MEF2C: variants seen among roughly 807,000 people sequenced by gnomAD.
MEF2C encodes myocyte-specific enhancer factor 2C.
A neutral mutation model predicts 50.5 loss-of-function variants in MEF2C; 6 were observed. That is an observed-to-expected ratio of 0.12 (90% CI 0.07 to 0.23). The LOEUF (loss-of-function observed/expected upper bound fraction) is 0.23. Ranked by LOEUF, MEF2C falls within the 10% of genes least tolerant of loss-of-function variation. MEF2C has a pLI of 1.00. For synonymous variants in MEF2C, 183 were observed against 228.0 expected, an observed-to-expected ratio of 0.80 and a Z score of 1.78; for missense variants, 276 against 605.0, an observed-to-expected ratio of 0.46 and a Z score of 5.70.
At chr5:88,875,678 G>T (rs1830832389) in intron 1 of MEF2C, among the ~76,000 whole-genome samples, 1 of 151,964 alleles carries the variant, frequency 6.6e-6, no homozygotes, top group African/African-American at 2.4e-5. Flanking sequence ...TTAAGAGGCA[G>T]AATTTTCAAG....
chr5:88,757,279 G>A (rs1775790957), intron 4 of MEF2C, among the ~76,000 whole-genome samples: 1 of 152,114 alleles, frequency 6.6e-6, no homozygotes, highest in South Asian at 2.1e-4. Context: ...AATAGTTAAA[G>A]TAAAATATTT....
At position 88,733,766 on chromosome 5, in the gene MEF2C, C is replaced by A. The variant is rs909718610; in HGVS notation, c.638-1865G>T. The stretch of plus-strand genomic sequence containing the variant: ...TCAATTGGATTATGAATAAAATTAT[C>A]CCAGTTCCTGGGGCAAAAAAACAAA... On this transcript the variant is annotated intron_variant, in intron 6 of 10. Transcript: ENST00000504921. 7.1e-6 allele frequency: 7 copies of A among 985,154 alleles called. No individual in the cohort carries two copies. The African/African-American group carries it at 1.2e-4, about 17-fold the overall frequency. 61.0% of individuals were successfully genotyped at this position (985,154 alleles called of 1,614,324 possible).
chr5:88,880,182 A>G (rs1459327023), intron 1 of MEF2C, among the ~76,000 whole-genome samples: 1 of 152,146 alleles, frequency 6.6e-6, no homozygotes, highest in Non-Finnish European at 1.5e-5. Context: ...CCACATTAGT[A>G]TAGAATGAAT....
chr5:88,799,666 T>C (rs1395693985), intron 3 of MEF2C, among the ~76,000 whole-genome samples: 1 of 152,188 alleles, frequency 6.6e-6, no homozygotes, highest in East Asian at 1.9e-4. Flanking sequence ...CCCATCCCAA[T>C]TTAGGCCTTA....
chr5:88,836,004 C>CT (rs1814958099), intron 1 of MEF2C, among the ~76,000 whole-genome samples: 1 of 151,964 alleles, frequency 6.6e-6, no homozygotes, highest in South Asian at 2.1e-4. Flanking sequence ...TCTCCCTCCT[C>CT]TTTTTTGGAG....
chr5:88,861,525 C>T (rs1400029339), intron 1 of MEF2C, among the ~76,000 whole-genome samples: 1 of 152,188 alleles, frequency 6.6e-6, no homozygotes, highest in Non-Finnish European at 1.5e-5. Context: ...GAGAGTTTCT[C>T]AGCTACTGCA....
chr5:88,869,757 A>G (rs960400093), intron 1 of MEF2C, among the ~76,000 whole-genome samples: 10 of 150,490 alleles, frequency 6.6e-5, no homozygotes, highest in African/African-American at 2.2e-4. Context: ...GAAATAGAGA[A>G]ATCTTAACGA....
intron 6 of MEF2C, chr5:88,741,325 C>T (rs1315258108): frequency 1.2e-5 from 12 of 982,534 alleles, no homozygotes; most frequent in Non-Finnish European, 1.3e-5. Flanking sequence ...CTGTGCTAGA[C>T]CCCTTGCATC....
intron 1 of MEF2C, chr5:88,889,208 TTGA>T (rs1487711374): frequency 1.3e-5 from 2 of 152,216 alleles, no homozygotes; most frequent in Non-Finnish European, 2.9e-5. Flanking sequence ...CGCTGAGTTA[TTGA>T]TTGCAGGCAG....
chr5:88,731,532 T>A lies in MEF2C; in HGVS notation c.810+197A>T, dbSNP rs531515635. 504 of 515,580 alleles carry A rather than the reference T, an allele frequency of 9.8e-4. 6 individuals carry two copies. Among genetic ancestry groups the A allele is most frequent in the South Asian group, 9.1e-3 (412 of 45,164 alleles). 31.9% of individuals were successfully genotyped at this position (515,580 alleles called of 1,614,324 possible). On this transcript the variant is annotated intron_variant, in intron 7 of 10. Coordinates refer to ENST00000504921, the MANE Select transcript of MEF2C (RefSeq NM_002397.5). ...AAGTTCACCAGATATATATATATAT[T>A]TTTTTTACACGGAAAAGGGAAATGC...
chr5:88,773,411 A>C (rs1220055950), intron 3 of MEF2C, among the ~76,000 whole-genome samples: 5 of 152,232 alleles, frequency 3.3e-5, no homozygotes, highest in African/African-American at 4.8e-5. Flanking sequence ...TAAATTATAA[A>C]AGGAAAAAAT....
rs932191075 is a variant in MEF2C at position 88,721,689 on chromosome 5, ACTT to A, written c.*912_*914del. 1 of 152,534 alleles carries A rather than the reference ACTT, an allele frequency of 6.6e-6. No homozygotes were observed. The highest frequency in any genetic ancestry group is 6.5e-5 in the Admixed American group (1 of 15,270). The allele number at this position is 152,534 out of a possible 1,614,324, so 9.4% of individuals were successfully genotyped here. On this transcript the variant is annotated 3_prime_UTR_variant, in exon 11 of 11. Coordinates refer to ENST00000504921, the MANE Select transcript of MEF2C (RefSeq NM_002397.5). ...TAGAAATACACATTTCAAAAACAAAACTTCTACAAAGAGAAAACAGTTATCTTG... is the reference window on the plus strand; with the variant it reads ...TAGAAATACACATTTCAAAAACAAAACTACAAAGAGAAAACAGTTATCTTG...
At chr5:88,766,784 G>A in intron 3 of MEF2C, 2 of 985,364 alleles carry the variant, frequency 2.0e-6, no homozygotes, top group Non-Finnish European at 2.4e-6. Flanking sequence ...AAGAACACAT[G>A]CAGGAATTAT....
At chr5:88,874,964 T>C (rs1830624807) in intron 1 of MEF2C, among the ~76,000 whole-genome samples, 1 of 151,904 alleles carries the variant, frequency 6.6e-6, no homozygotes, top group South Asian at 2.1e-4. Flanking sequence ...AATAATCTGA[T>C]TGCACCTCAT....
intron 1 of MEF2C, chr5:88,824,852 A>G (rs1193500651): frequency 6.6e-6 from 1 of 151,946 alleles, no homozygotes; most frequent in Non-Finnish European, 1.5e-5. Flanking sequence ...GATAAGCCCA[A>G]GAAACCCAGA....
chr5:88,818,030 A>C (rs1232244108), intron 2 of MEF2C, among the ~76,000 whole-genome samples: 1 of 152,012 alleles, frequency 6.6e-6, no homozygotes, highest in Non-Finnish European at 1.5e-5. Context: ...CAAGTGTTCT[A>C]TCCCACCAAA....
chr5:88,741,021 C>T (rs954415042), intron 6 of MEF2C: 22 of 985,270 alleles, frequency 2.2e-5, no homozygotes, highest in Non-Finnish European at 2.7e-5. Context: ...GCTGCGAACA[C>T]ATCAGAAGTT....
chr5:88,786,665 T>A (rs985360084), intron 3 of MEF2C, among the ~76,000 whole-genome samples: 1 of 152,062 alleles, frequency 6.6e-6, no homozygotes, highest in African/African-American at 2.4e-5. Flanking sequence ...AAACAAAAAA[T>A]AAAGGCTGCT....
At chr5:88,758,791 G>A (rs567539824) in intron 4 of MEF2C, among the ~76,000 whole-genome samples, 1 of 152,136 alleles carries the variant, frequency 6.6e-6, no homozygotes, top group Non-Finnish European at 1.5e-5. Context: ...AGCTCTGCCC[G>A]TAAACTCTAA....
Sources: gnomAD v4.1 joint callset for allele counts (sites outside exome capture counted in the v4.1 genomes callset) on GRCh38, gnomAD v4.1.1 for gene constraint, MANE v1.5 for transcripts, NCBI Gene and HGNC (gene_info 2026-07-23, HGNC 2026-07-21) for gene names.